The following TSPOAP1 variants were observed in gnomAD, a reference collection of about 807,000 sequenced individuals.
The protein encoded by TSPOAP1 is peripheral-type benzodiazepine receptor-associated protein 1.
Under a neutral mutation model 197.0 loss-of-function variants are expected in TSPOAP1, and 87 were observed. The observed-to-expected ratio is 0.44, with a 90% CI of 0.37 to 0.53. The LOEUF (loss-of-function observed/expected upper bound fraction) is 0.53, where lower values mean the gene tolerates loss of function less well. TSPOAP1 is among the 20% of genes least tolerant of loss of function. The pLI is 0.00. For synonymous variants in TSPOAP1, 913 were observed against 998.9 expected (o/e 0.91, Z 1.62); for missense variants, 2,174 against 2,411.3 (o/e 0.90, Z 2.06).
In TSPOAP1 at chr17:58,302,378, C is replaced by T. The variant is rs556393041; in HGVS notation, c.*102G>A. 4.3e-5 allele frequency: 55 copies of T among 1,288,342 alleles called. No homozygotes were observed. Among genetic ancestry groups the T allele is most frequent in the Middle Eastern group, 4.6e-4 (2 of 4,316 alleles). 79.8% of individuals were successfully genotyped at this position (1,288,342 alleles called of 1,614,324 possible). A position where few individuals can be genotyped will look rare whatever the true frequency, so the allele number is the denominator to read the frequency against. On this transcript the variant is annotated 3_prime_UTR_variant, in exon 32 of 32. Transcript: ENST00000343736. ...GGCTCCCCACGTTCAATCCTGGGGGCGCTGCCAGAGCTGGGGGTACAAGGC... is the reference window on the plus strand; with the variant it reads ...GGCTCCCCACGTTCAATCCTGGGGGTGCTGCCAGAGCTGGGGGTACAAGGC...
rs1971004150 is a variant in TSPOAP1, at chr17:58,309,175, C to T, written c.4097G>A (p.Gly1366Glu). 6.2e-7 allele frequency: 1 copy of T among 1,614,054 alleles called. No homozygotes were observed. The highest frequency in any genetic ancestry group is 8.5e-7 in the Non-Finnish European group (1 of 1,180,028). The change falls in exon 22 of 32, where the codon GGG becomes GAG. Residue 1366 changes from glycine to glutamate, a missense_variant. By Grantham distance (98) the Gly-to-Glu change is moderately conservative (BLOSUM62 -2). Coordinates refer to ENST00000343736, the MANE Select transcript of TSPOAP1 (RefSeq NM_004758.4). This position sits in a 1 kb window ranked among gnomAD's most constrained non-coding sequence, Gnocchi z 5.0. ...GGGCTGACCACTGTCACAGCCCAGC[C>T]CCAGCAATGCAGGTTCAGGCGGGCC... ...DPGPPEPALL[G>E]LGCDSGQPRR... is the part of the protein sequence containing the mutation.
chr17:58,311,121 G>A lies in TSPOAP1; in HGVS notation c.3174C>T (p.Arg1058=), dbSNP rs1217782544. ...CCGACTCCCCGTGGGGCGACATGGTGCGCACGACCACCTCACGACACACCT... is the reference window on the plus strand; with the variant it reads ...CCGACTCCCCGTGGGGCGACATGGTACGCACGACCACCTCACGACACACCT... The part of the protein sequence containing the change: ...LLQVCREVVV[R]TMSPHGESAD... Residue 1058 remains arginine (R), a synonymous_variant, in exon 19 of 32, where the codon CGC becomes CGT. Transcript: ENST00000343736. The A allele has an allele frequency of 1.9e-6, 3 of 1,603,710 alleles. No homozygotes were observed. Among genetic ancestry groups the A allele is most frequent in the Admixed American group, 3.4e-5 (2 of 58,518 alleles).
chr17:58,308,689 C>A lies in TSPOAP1; in HGVS notation c.4583G>T (p.Trp1528Leu), dbSNP rs1245156256. The stretch of plus-strand genomic sequence containing the variant: ...GGGCCTTCCTACAGTTGCTGTGCCC[C>A]AGGCCTCCCCATCTCCAGGGTAGCA... ...SSCYPGDGEA[W>L]GTATVGRPRG... Residue 1528 changes from tryptophan to leucine, a missense_variant, in exon 22 of 32, where the codon TGG becomes TTG. Physicochemically the swap from Trp to Leu is moderately conservative, Grantham distance 61. Transcript: ENST00000343736. 1.2e-6 allele frequency: 2 copies of A among 1,612,908 alleles called. No individual in the cohort carries two copies. Among genetic ancestry groups the A allele is most frequent in the African/African-American group, 2.7e-5 (2 of 75,068 alleles).
chr17:58,306,972 G>C lies in TSPOAP1; in HGVS notation c.4984-4C>G. The C allele has an allele frequency of 6.2e-7, 1 of 1,611,058 alleles. No homozygotes were observed. The highest frequency in any genetic ancestry group is 8.5e-7 in the Non-Finnish European group (1 of 1,179,416). On this transcript the variant is annotated splice_polypyrimidine_tract_variant and splice_region_variant and intron_variant, in intron 24 of 31. Transcript: ENST00000343736. ...CGGCATCCTTGTCCCCAAACACCTG[G>C]AGGCAAAACCAGTGGTCTCAGCCAG...
At chr17:58,306,320 G>T in intron 26 of TSPOAP1, 22 bp downstream of exon 26, 1 of 1,549,426 alleles carries the variant, frequency 6.5e-7, no homozygotes. Context: ...CAGCACCTGA[G>T]AGAGAATGGG....
At chr17:58,303,863 C>A (rs549353169) in intron 31 of TSPOAP1, 1 of 152,538 alleles carries the variant, frequency 6.6e-6, no homozygotes, top group Non-Finnish European at 1.5e-5. Context: ...GGAGGTAAAT[C>A]ATGCATCTGA....
chr17:58,323,432 C>T (rs1047365063), intron 6 of TSPOAP1, 36 bp downstream of exon 6: 13 of 1,614,254 alleles, frequency 8.1e-6, no homozygotes, highest in Non-Finnish European at 1.0e-5. Context: ...CATCTGCCCA[C>T]AGCAGGCTGC....
chr17:58,305,478 G>A lies in TSPOAP1; in HGVS notation c.5362-20C>T. ...CTCTGCCTGTGGAAAACAAGAGGAG[G>A]GCATCAGGCCCAGGAAGGCTCTGCC... is the stretch of plus-strand genomic sequence containing the variant. On this transcript the variant is annotated intron_variant, in intron 28 of 31. Coordinates refer to ENST00000343736, the MANE Select transcript of TSPOAP1 (RefSeq NM_004758.4). The A allele has an allele frequency of 6.2e-7, 1 of 1,613,616 alleles. No homozygotes were observed. Among genetic ancestry groups the A allele is most frequent in the Non-Finnish European group, 8.5e-7 (1 of 1,179,692 alleles).
At position 58,311,164 on chromosome 17, in the gene TSPOAP1, G is replaced by A; in HGVS notation, c.3131C>T (p.Ser1044Phe). 1 of 1,611,654 alleles carries A rather than the reference G, an allele frequency of 6.2e-7. No individual in the cohort carries two copies. Among genetic ancestry groups the A allele is most frequent in the Non-Finnish European group, 8.5e-7 (1 of 1,179,542 alleles). Residue 1044 changes from serine (S) to phenylalanine (F), a missense_variant, in exon 19 of 32, where the codon TCC (serine) becomes TTC (phenylalanine). Ser to Phe is a radical substitution (Grantham distance 155). Around this residue, in one of 5 missense-constraint regions of TSPOAP1, gnomAD observed 1,933 missense variants for 2,139.0 expected, o/e 0.90. Transcript: ENST00000343736. The part of the protein sequence containing the change: ...PTAGSVLVEL[S>F]QLQLLQVCRE... ...ACACACCTGCAGCAGCTGCAGCTGG[G>A]ACAACTCCACCAGTACACTGCCTGC...
rs762025205 is a variant in TSPOAP1 at position 58,306,948 on chromosome 17, G to A, written c.5004C>T (p.Ala1668=). 37 of 1,612,678 alleles carry A rather than the reference G, an allele frequency of 2.3e-5. No individual in the cohort carries two copies. In the South Asian group the frequency reaches 2.7e-4, roughly 12 times the overall value. Residue 1668 remains alanine (A), a synonymous_variant, in exon 25 of 32, where the codon GCC becomes GCT. Transcript: ENST00000343736. ...CACCTTCGCCCTGGTAGAAGCCATC[G>A]GCATCCTTGTCCCCAAACACCTGGA... is the stretch of plus-strand genomic sequence containing the variant. ...QILKVFGDKD[A]DGFYQGEGGG...
Position 58,324,166 on chromosome 17 carries a change from G to T in TSPOAP1, c.943-621C>A, listed in dbSNP as rs1268163089. 6.6e-6 allele frequency among the ~76,000 whole-genome samples: 1 copy of T among 152,162 alleles called. No homozygotes were observed. The highest frequency in any genetic ancestry group is 1.5e-5 in the Non-Finnish European group (1 of 68,022). ...TGAGCAAGAAGCCTCCCCCCACCCG[G>T]AGGTCTTGGTCACTATCAGATCACT... On this transcript the variant is annotated intron_variant, in intron 5 of 31. Coordinates refer to ENST00000343736, the MANE Select transcript of TSPOAP1 (RefSeq NM_004758.4). The surrounding 1 kb of genome is among the most constrained non-coding windows in gnomAD (Gnocchi z 5.8).
At chr17:58,314,334 T>C (rs1598067086) in intron 16 of TSPOAP1, among the ~76,000 whole-genome samples, 1 of 152,238 alleles carries the variant, frequency 6.6e-6, no homozygotes, top group East Asian at 1.9e-4. Context: ...CCAGAACTTG[T>C]GAACATGACC....
rs1226601161 is a variant in TSPOAP1, at chr17:58,306,825, G to A, written c.5127C>T (p.Ser1709=). 8.1e-6 allele frequency: 13 copies of A among 1,613,656 alleles called. No homozygotes were observed. Among genetic ancestry groups the A allele is most frequent in the South Asian group, 1.1e-5 (1 of 91,078 alleles). ...CTGAGCCCTCAAGGAGAATATCTGG[G>A]GACAAATAACCCCGCTGGAGCAGTT... ...RQQLLQRGYL[S]PDILLEGSGN... Residue 1709 remains serine, a synonymous_variant, in exon 25 of 32, where the codon TCC becomes TCT. Transcript: ENST00000343736.
At chr17:58,310,223 G>GGAGAGATAA in intron 20 of TSPOAP1, 65 bp from the exon 21 acceptor site, 1 of 1,511,106 alleles carries the variant, frequency 6.6e-7, no homozygotes, top group Non-Finnish European at 9.0e-7. Context: ...GTTCCAGGCA[G>GGAGAGATAA]GGTCAGCCCC....
At chr17:58,313,925 G>A (rs970846198) in intron 16 of TSPOAP1, among the ~76,000 whole-genome samples, 1 of 152,216 alleles carries the variant, frequency 6.6e-6, no homozygotes, top group Non-Finnish European at 1.5e-5. Flanking sequence ...GACTTGACAA[G>A]AGAGTATTTT....
At chr17:58,305,668 C>G (rs1471852784) in intron 27 of TSPOAP1, 25 bp from the exon 28 acceptor site, 1 of 1,379,214 alleles carries the variant, frequency 7.3e-7, no homozygotes, top group Non-Finnish European at 1.0e-6. Flanking sequence ...GGAGAAGACT[C>G]TGGACTCTCT....
In TSPOAP1 at chr17:58,311,067, G is replaced by A. The variant is rs145360214; in HGVS notation, c.3228C>T (p.Pro1076=). 1.2e-5 allele frequency: 19 copies of A among 1,579,182 alleles called. No homozygotes were observed. Among genetic ancestry groups the A allele is most frequent in the Middle Eastern group, 1.7e-4 (1 of 5,852 alleles). The change falls in exon 19 of 32, where the codon CCC becomes CCT. Residue 1076 remains proline, a synonymous_variant. Coordinates refer to ENST00000343736, the MANE Select transcript of TSPOAP1 (RefSeq NM_004758.4). ...SADSIPAPIT[P]ALAPASLPAR... Reference sequence around the variant, plus strand: ...CTGGCAGGCTGGCCGGAGCCAGGGCGGGAGTGATAGGAGCCGGGATGGAGT... The same window carrying A: ...CTGGCAGGCTGGCCGGAGCCAGGGCAGGAGTGATAGGAGCCGGGATGGAGT...
intron 17 of TSPOAP1, 77 bp downstream of exon 17, chr17:58,311,815 G>C: frequency 6.7e-7 from 1 of 1,487,908 alleles, no homozygotes; most frequent in Non-Finnish European, 8.9e-7. Flanking sequence ...ACGCAAATAA[G>C]ATCAGGGTCC....
In TSPOAP1 at chr17:58,302,447, C is replaced by A. The variant is rs1970745474; in HGVS notation, c.*33G>T. 1.6e-6 allele frequency: 2 copies of A among 1,228,886 alleles called. No individual in the cohort carries two copies. The highest frequency in any genetic ancestry group is 2.1e-6 in the Non-Finnish European group (2 of 963,464). The allele number at this position is 1,228,886 out of a possible 1,614,324, so 76.1% of individuals were successfully genotyped here. A position where few individuals can be genotyped will look rare whatever the true frequency, so the allele number is the denominator to read the frequency against. ...GACCCTTGTGTGGTGCAGCCCCAGT[C>A]CTGAAATGTGAGACAGAAGGAGCAA... On this transcript the variant is annotated splice_region_variant and 3_prime_UTR_variant, in exon 32 of 32. Transcript: ENST00000343736.
Sources: gnomAD v4.1 joint callset for allele counts (sites outside exome capture counted in the v4.1 genomes callset) on GRCh38, gnomAD v4.1.1 for gene constraint, gnomAD v4.1.1 regional missense constraint, Gnocchi (gnomAD v3.1) non-coding constraint, MANE v1.5 for transcripts, NCBI Gene and HGNC (gene_info 2026-07-23, HGNC 2026-07-21) for gene names.